Variants in PLEKHG4B observed in about 807,000 individuals in gnomAD.
PLEKHG4B encodes pleckstrin homology and RhoGEF domain containing G4B.
PLEKHG4B carries 111 observed loss-of-function variants against 121.3 expected under a neutral mutation model. The ratio of observed to expected loss-of-function variants is 0.92; its 90% CI spans 0.78 to 1.07. The LOEUF (loss-of-function observed/expected upper bound fraction) is 1.07. Among genes scored for constraint, PLEKHG4B ranks in the 50% least tolerant of loss-of-function variants. The pLI, the probability that PLEKHG4B is intolerant of heterozygous loss-of-function variation, is 0.00. For synonymous variants in PLEKHG4B, 738 were observed against 725.0 expected, an observed-to-expected ratio of 1.02 and a Z score of -0.29; for missense variants, 1,831 against 1,757.8, an observed-to-expected ratio of 1.04 and a Z score of -0.74.
intron 7 of PLEKHG4B, among the ~76,000 whole-genome samples, chr5:153,272 T>C (rs1465851614): frequency 6.6e-6 from 1 of 152,212 alleles, no homozygotes; most frequent in Non-Finnish European, 1.5e-5. Context: ...CTGGGTCATC[T>C]CTGGGTTGGC....
chr5:183,971 A>AGATAGATAGATAGATC lies in PLEKHG4B; in HGVS notation c.*1663_*1664insCGATAGATAGATAGAT, dbSNP rs1395649191. 1.0e-4 allele frequency: 6 copies of AGATAGATAGATAGATC among 59,266 alleles called. No homozygotes were observed. The highest frequency in any genetic ancestry group is 4.2e-4 in the African/African-American group (6 of 14,248). 3.7% of individuals were successfully genotyped at this position (59,266 alleles called of 1,614,324 possible). ...GAGATAGCTAGATATATATACAGAC[A>AGATAGATAGATAGATC]GATAGATAGATAGATAGATCGATAG... On this transcript the variant is annotated 3_prime_UTR_variant, in exon 20 of 20. Coordinates refer to ENST00000637938, the MANE Select transcript of PLEKHG4B (RefSeq NM_052909.5).
chr5:149,226 T>C (rs1482492125), intron 6 of PLEKHG4B, among the ~76,000 whole-genome samples: 2 of 152,112 alleles, frequency 1.3e-5, no homozygotes, highest in South Asian at 2.1e-4. Flanking sequence ...AATCAGACTT[T>C]TCAAAAATTA....
At position 156,349 on chromosome 5, in the gene PLEKHG4B, G is replaced by T. The variant is rs146704242; in HGVS notation, c.2348+139G>T. Reference sequence around the variant, plus strand: ...TCCAGACCTCCATTCTGACAGCCACGCTTTGCCTGGGTCAGAGCTTTTCCA... The same window carrying T: ...TCCAGACCTCCATTCTGACAGCCACTCTTTGCCTGGGTCAGAGCTTTTCCA... On this transcript the variant is annotated intron_variant, in intron 10 of 19. Transcript: ENST00000637938. This position sits in a 1 kb window ranked among gnomAD's most constrained non-coding sequence, Gnocchi z 4.4. The T allele has an allele frequency of 4.0e-6, 4 of 990,372 alleles. No homozygotes were observed. Among genetic ancestry groups the T allele is most frequent in the African/African-American group, 1.7e-5 (1 of 59,362 alleles). The allele number at this position is 990,372 out of a possible 1,614,324, so 61.3% of individuals were successfully genotyped here. A position where few individuals can be genotyped will look rare whatever the true frequency, so the allele number is the denominator to read the frequency against.
chr5:166,864 A>G (rs1240718067), intron 13 of PLEKHG4B, among the ~76,000 whole-genome samples: 1 of 152,218 alleles, frequency 6.6e-6, no homozygotes, highest in Non-Finnish European at 1.5e-5. Flanking sequence ...CAAGTAGAAC[A>G]TTAAGTTCTG....
intron 1 of PLEKHG4B, among the ~76,000 whole-genome samples, chr5:93,601 C>T (rs1013333821): frequency 6.6e-6 from 1 of 152,182 alleles, no homozygotes; most frequent in Non-Finnish European, 1.5e-5. Flanking sequence ...CAGGCTTGAC[C>T]CCGCAGGCAG....
At chr5:162,678 G>A (rs1022526938) in intron 12 of PLEKHG4B, 44 bp from the exon 13 acceptor site, 2 of 1,308,542 alleles carry the variant, frequency 1.5e-6, no homozygotes, top group Admixed American at 3.6e-5. Flanking sequence ...CTCCAGGGCA[G>A]CCCCTCCTCC....
At chr5:155,208 A>G in intron 8 of PLEKHG4B, 137 bp from the exon 9 acceptor site, 1 of 880,776 alleles carries the variant, frequency 1.1e-6, no homozygotes, top group Non-Finnish European at 1.8e-6. Context: ...AAGTGTCTGT[A>G]GATCTCAGGG....
chr5:168,844 G>A (rs1736438714), intron 13 of PLEKHG4B, among the ~76,000 whole-genome samples: 1 of 148,228 alleles, frequency 6.7e-6, no homozygotes, highest in Non-Finnish European at 1.5e-5. Context: ...CTGAGGATGT[G>A]CAGTAGACTG....
chr5:146,924 T>C (rs1735440558), intron 6 of PLEKHG4B, among the ~76,000 whole-genome samples: 1 of 151,936 alleles, frequency 6.6e-6, no homozygotes. Flanking sequence ...TCTTAGAAAA[T>C]GTCAGTGTCC....
At chr5:93,885 C>G (rs532424507) in intron 1 of PLEKHG4B, among the ~76,000 whole-genome samples, 1 of 152,314 alleles carries the variant, frequency 6.6e-6, no homozygotes, top group African/African-American at 2.4e-5. Flanking sequence ...CAGCCAAACA[C>G]AGGAGGCCCC....
At chr5:168,057 T>C (rs1047305680) in intron 13 of PLEKHG4B, among the ~76,000 whole-genome samples, 1 of 152,194 alleles carries the variant, frequency 6.6e-6, no homozygotes, top group African/African-American at 2.4e-5. Context: ...GAGTGGATCC[T>C]CTGGGTCCTG....
chr5:125,560 G>C (rs983483260), intron 2 of PLEKHG4B, among the ~76,000 whole-genome samples: 15 of 152,020 alleles, frequency 9.9e-5, no homozygotes, highest in Admixed American at 4.6e-4. Flanking sequence ...ATTACTAGTA[G>C]TATGAAGTAT....
intron 3 of PLEKHG4B, 83 bp from the exon 4 acceptor site, chr5:142,964 G>A (rs561094131): frequency 7.5e-7 from 1 of 1,337,514 alleles, no homozygotes; most frequent in South Asian, 1.3e-5. Flanking sequence ...TTGTCCCATG[G>A]TTCATAGCAA....
At chr5:111,165 C>G (rs1018431093) in intron 1 of PLEKHG4B, among the ~76,000 whole-genome samples, 3 of 152,288 alleles carry the variant, frequency 2.0e-5, no homozygotes, top group African/African-American at 4.8e-5. Flanking sequence ...ACAGCACACA[C>G]TCCGCCCTCA....
rs113778506 is a variant in PLEKHG4B, at chr5:183,008, G to C, written c.*685G>C. The C allele has an allele frequency of 0.023, 3,511 of 152,560 alleles. 130 individuals are homozygous for C. The highest frequency in any genetic ancestry group is 0.077 in the African/African-American group (3,209 of 41,440). 9.5% of individuals were successfully genotyped at this position (152,560 alleles called of 1,614,324 possible). On this transcript the variant is annotated 3_prime_UTR_variant, in exon 20 of 20. Coordinates refer to ENST00000637938, the MANE Select transcript of PLEKHG4B (RefSeq NM_052909.5). The stretch of plus-strand genomic sequence containing the variant: ...GACCCGTTCCCACCAGCCAGACTAG[G>C]GAAACTCTCAATAGATCAATTCCTG...
intron 18 of PLEKHG4B, among the ~76,000 whole-genome samples, chr5:176,598 A>G (rs974982823): frequency 1.3e-5 from 2 of 152,196 alleles, no homozygotes; most frequent in African/African-American, 2.4e-5. Flanking sequence ...GCTGCATTCC[A>G]AGGAAGATTG....
chr5:95,905 G>A (rs370162252), intron 1 of PLEKHG4B, among the ~76,000 whole-genome samples: 1 of 152,166 alleles, frequency 6.6e-6, no homozygotes, highest in Non-Finnish European at 1.5e-5. Flanking sequence ...TCTGCTGGTG[G>A]TGATGACCCC....
rs143944267 is a variant in PLEKHG4B, at chr5:161,477, C to T, written c.2488-306C>T. On this transcript the variant is annotated intron_variant, in intron 11 of 19. Transcript: ENST00000637938. ...CAGCCAGGCTGTCAGCCCTGTGCAGCGTGTACTCAGGACATGACCAAGACG... is the reference window on the plus strand; with the variant it reads ...CAGCCAGGCTGTCAGCCCTGTGCAGTGTGTACTCAGGACATGACCAAGACG... Among the ~76,000 whole-genome samples, 40 of 152,332 alleles carry T rather than the reference C, an allele frequency of 2.6e-4. No homozygotes were observed. In the South Asian group the frequency reaches 3.3e-3, roughly 13 times the overall value.
Position 92,812 on chromosome 5 carries a change from T to G in PLEKHG4B, c.45+536T>G, listed in dbSNP as rs916830894. On this transcript the variant is annotated intron_variant, in intron 1 of 19. Coordinates refer to ENST00000637938, the MANE Select transcript of PLEKHG4B (RefSeq NM_052909.5). ...AGCTCAAACCGGTGGGACAGAACAGTGATCTGTGGTGGCCCGGAACAAAGA... is the reference window on the plus strand; with the variant it reads ...AGCTCAAACCGGTGGGACAGAACAGGGATCTGTGGTGGCCCGGAACAAAGA... 6.6e-5 allele frequency among the ~76,000 whole-genome samples: 10 copies of G among 152,088 alleles called. No individual in the cohort carries two copies. The East Asian group carries it at 1.9e-3, about 29-fold the overall frequency.
Sources: gnomAD v4.1 joint callset for allele counts (sites outside exome capture counted in the v4.1 genomes callset) on GRCh38, gnomAD v4.1.1 for gene constraint, Gnocchi (gnomAD v3.1) non-coding constraint, MANE v1.5 for transcripts, NCBI Gene and HGNC (gene_info 2026-07-23, HGNC 2026-07-21) for gene names.